Variants in PRDM2 observed in about 807,000 individuals in gnomAD.
PRDM2 encodes PR domain zinc finger protein 2.
A neutral mutation model predicts 130.0 loss-of-function variants in PRDM2; 30 were observed. The ratio of observed to expected loss-of-function variants is 0.23; its 90% CI spans 0.17 to 0.31. The LOEUF is 0.31. PRDM2 is among the 10% of genes least tolerant of loss of function. PRDM2 has a pLI of 1.00. For missense variants in PRDM2, 2,011 were observed against 2,108.4 expected (o/e 0.95, Z 0.90); for synonymous variants, 871 against 782.4 (o/e 1.11, Z -1.89).
Position 13,796,212 on chromosome 1 carries a change from CTT to C in PRDM2, c.5036+13384_5036+13385del, listed in dbSNP as rs564302106. The stretch of plus-strand genomic sequence containing the variant: ...GAGGATCCAGAAGCTTGAGATGTGA[CTT>C]TTGAGAAGAGCGTACTCCTCAAGAT... On this transcript the variant is annotated intron_variant, in intron 8 of 9. Coordinates refer to ENST00000311066, the MANE Select transcript of PRDM2 (RefSeq NM_001393986.1). 4.6e-3 allele frequency among the ~76,000 whole-genome samples: 697 copies of C among 152,322 alleles called. 10 individuals carry two copies. The highest frequency in any genetic ancestry group is 0.016 in the African/African-American group (665 of 41,568).
At chr1:13,813,040 T>G (rs1332943076) in intron 8 of PRDM2, among the ~76,000 whole-genome samples, 2 of 152,202 alleles carry the variant, frequency 1.3e-5, no homozygotes, top group African/African-American at 4.8e-5. Flanking sequence ...TGCATCCTCC[T>G]GGGGTGATGA....
chr1:13,795,242 G>A (rs1644905014), intron 8 of PRDM2, among the ~76,000 whole-genome samples: 1 of 152,322 alleles, frequency 6.6e-6, no homozygotes. Context: ...CACCGATAAT[G>A]CTTGCTGGCC....
chr1:13,819,577 C>A (rs1645314612), intron 9 of PRDM2, among the ~76,000 whole-genome samples: 1 of 152,162 alleles, frequency 6.6e-6, no homozygotes, highest in Non-Finnish European at 1.5e-5. Context: ...TTAAAAAAAT[C>A]TCTTTATACT....
intron 6 of PRDM2, among the ~76,000 whole-genome samples, chr1:13,766,338 T>C (rs1037281524): frequency 5.9e-5 from 9 of 152,208 alleles, no homozygotes; most frequent in Non-Finnish European, 1.0e-4. Context: ...TAGTAGTGTC[T>C]TAAGGCTGGG....
At chr1:13,719,035 C>T (rs552338881) in intron 2 of PRDM2, among the ~76,000 whole-genome samples, 1 of 152,224 alleles carries the variant, frequency 6.6e-6, no homozygotes, top group East Asian at 1.9e-4. Flanking sequence ...CAGTAACATA[C>T]TCCAAGAGGG....
At position 13,803,724 on chromosome 1, in the gene PRDM2, G is replaced by A. The variant is rs923670713; in HGVS notation, c.5037-12703G>A. ...GGCTTTCCCCGCGGGCAGGTTCTCCGGGCCGAGGTCACTGCAGGCCAGGCC... is the reference window on the plus strand; with the variant it reads ...GGCTTTCCCCGCGGGCAGGTTCTCCAGGCCGAGGTCACTGCAGGCCAGGCC... On this transcript the variant is annotated intron_variant, in intron 8 of 9. Transcript: ENST00000311066. The surrounding 1 kb of genome is among the most constrained non-coding windows in gnomAD (Gnocchi z 6.2). Among the ~76,000 whole-genome samples the A allele has an allele frequency of 2.6e-5, 4 of 152,172 alleles. No individual in the cohort carries two copies. Among genetic ancestry groups the A allele is most frequent in the Non-Finnish European group, 4.4e-5 (3 of 68,032 alleles).
At chr1:13,805,207 T>A (rs969457414) in intron 8 of PRDM2, among the ~76,000 whole-genome samples, 9 of 152,118 alleles carry the variant, frequency 5.9e-5, no homozygotes, top group African/African-American at 2.2e-4. Flanking sequence ...GCGATGATGT[T>A]TTTTTCCCCC....
intron 8 of PRDM2, among the ~76,000 whole-genome samples, chr1:13,805,838 C>G (rs1645077401): frequency 6.6e-6 from 1 of 152,170 alleles, no homozygotes; most frequent in South Asian, 2.1e-4. Context: ...CCAGGATGCC[C>G]ATGGCGGTCT....
At chr1:13,714,751 C>T (rs2100413312) in intron 1 of PRDM2, among the ~76,000 whole-genome samples, 1 of 152,142 alleles carries the variant, frequency 6.6e-6, no homozygotes, top group Non-Finnish European at 1.5e-5. Flanking sequence ...AGAATTATGC[C>T]TAATGGTATG....
chr1:13,811,266 TG>T, intron 8 of PRDM2, among the ~76,000 whole-genome samples: 1 of 152,290 alleles, frequency 6.6e-6, no homozygotes, highest in African/African-American at 2.4e-5. Flanking sequence ...GGCTGTTCTC[TG>T]GATTGTGAAG....
At chr1:13,720,178 G>A (rs531548188) in intron 2 of PRDM2, among the ~76,000 whole-genome samples, 2 of 152,102 alleles carry the variant, frequency 1.3e-5, no homozygotes, top group South Asian at 2.1e-4. Flanking sequence ...TAAATGAGAC[G>A]CTAATAAAAT....
rs755338341 is a variant in PRDM2, at chr1:13,782,013, T to C, written c.4218T>C (p.Ser1406=). The change falls in exon 8 of 10, where the codon AGT becomes AGC. Residue 1406 remains serine (S), a synonymous_variant. Transcript: ENST00000311066. ...RMGQPKRLNF[S]VELSKMSSNK... ...GACAGCCCAAAAGGCTTAACTTTAGTGTTGAGCTCAGCAAAATGTCGTCGA... is the reference window on the plus strand; with the variant it reads ...GACAGCCCAAAAGGCTTAACTTTAGCGTTGAGCTCAGCAAAATGTCGTCGA... The C allele has an allele frequency of 1.1e-5, 17 of 1,613,992 alleles. No homozygotes were observed. Among genetic ancestry groups the C allele is most frequent in the Middle Eastern group, 1.6e-4 (1 of 6,084 alleles).
chr1:13,789,796 T>C (rs1453379476), intron 8 of PRDM2, among the ~76,000 whole-genome samples: 4 of 152,214 alleles, frequency 2.6e-5, no homozygotes, highest in African/African-American at 9.6e-5. Context: ...GACTAGGATA[T>C]AAAGGCCACA....
At chr1:13,750,197 G>A (rs2100540134) in intron 6 of PRDM2, among the ~76,000 whole-genome samples, 1 of 152,154 alleles carries the variant, frequency 6.6e-6, no homozygotes, top group Middle Eastern at 3.4e-3. Context: ...ATAATTTCTG[G>A]GTAGGAAAAT....
rs145124338 is a variant in PRDM2 at position 13,804,868 on chromosome 1, A to G, written c.5037-11559A>G. Among the ~76,000 whole-genome samples the G allele has an allele frequency of 8.2e-3, 1,255 of 152,260 alleles. 23 individuals carry two copies. The highest frequency in any genetic ancestry group is 0.03 in the South Asian group (144 of 4,820). On this transcript the variant is annotated intron_variant, in intron 8 of 9. Coordinates refer to ENST00000311066, the MANE Select transcript of PRDM2 (RefSeq NM_001393986.1). ...AGACTGCCAGAGTCTTGAGTGGTCA[A>G]TGCAGCTGCTCTATGGGCAAAGGCT...
rs1645091339 is a variant in PRDM2, at chr1:13,806,706, G to T, written c.5037-9721G>T. Among the ~76,000 whole-genome samples, 2 of 152,114 alleles carry T rather than the reference G, an allele frequency of 1.3e-5. No homozygotes were observed. Among genetic ancestry groups the T allele is most frequent in the Non-Finnish European group, 2.9e-5 (2 of 68,028 alleles). On this transcript the variant is annotated intron_variant, in intron 8 of 9. Transcript: ENST00000311066. The surrounding 1 kb of genome is among the most constrained non-coding windows in gnomAD (Gnocchi z 4.1). ...GGATGGTGGCAGTCACCTCCTTGCT[G>T]GTGTCCCCAGTTCCTTCCCTGTCAA...
In PRDM2 at chr1:13,742,129, A is replaced by C. The variant is rs1310086013; in HGVS notation, c.356A>C (p.Asn119Thr). The C allele has an allele frequency of 6.2e-7, 1 of 1,613,880 alleles. No homozygotes were observed. Among genetic ancestry groups the C allele is most frequent in the Admixed American group, 1.7e-5 (1 of 60,002 alleles). The change falls in exon 5 of 10, where the codon AAC (asparagine) becomes ACC (threonine). Residue 119 changes from asparagine to threonine, a missense_variant. Around this residue, in one of 5 missense-constraint regions of PRDM2, gnomAD observed 1,288 missense variants for 1,237.7 expected, o/e 1.04. Coordinates refer to ENST00000311066, the MANE Select transcript of PRDM2 (RefSeq NM_001393986.1). ...CAAAATTTATTCCCACTGGAAATCA[A>C]CAGAGCCATTTACTATAAAACTTTA... ...EEQNLFPLEI[N>T]RAIYYKTLKP...
chr1:13,805,605 C>G (rs1466645574), intron 8 of PRDM2, among the ~76,000 whole-genome samples: 1 of 152,182 alleles, frequency 6.6e-6, no homozygotes, highest in East Asian at 1.9e-4. Flanking sequence ...TACCTTTGCA[C>G]CATCTCCCCA....
At chr1:13,787,500 T>A in intron 8 of PRDM2, 1 of 984,796 alleles carries the variant, frequency 1.0e-6, no homozygotes, top group South Asian at 4.7e-5. Context: ...GTAATCTACC[T>A]CTGAAAAATT....
Sources: allele counts gnomAD v4.1 joint callset (sites outside exome capture counted in the v4.1 genomes callset), GRCh38; gene constraint gnomAD v4.1.1; regional missense constraint gnomAD v4.1.1; non-coding constraint Gnocchi (gnomAD v3.1); transcripts MANE v1.5; gene names NCBI Gene and HGNC (gene_info 2026-07-23, HGNC 2026-07-21).